IGF2BP1: variants seen among roughly 807,000 people sequenced by gnomAD.
IGF2BP1 encodes insulin like growth factor 2 mRNA binding protein 1, also known as insulin-like growth factor 2 mRNA-binding protein 1.
IGF2BP1 carries 11 observed loss-of-function variants against 74.9 expected under a neutral mutation model. The ratio of observed to expected loss-of-function variants is 0.15; its 90% CI spans 0.09 to 0.24. The LOEUF is 0.24. IGF2BP1 is among the 10% of genes least tolerant of loss of function. The pLI is 1.00. For synonymous variants in IGF2BP1, 287 were observed against 281.8 expected (o/e 1.02, Z -0.18); for missense variants, 440 against 757.4 (o/e 0.58, Z 4.92).
At chr17:49,005,516 C>T (rs570985991) in intron 2 of IGF2BP1, among the ~76,000 whole-genome samples, 3 of 152,196 alleles carry the variant, frequency 2.0e-5, no homozygotes, top group South Asian at 2.1e-4. Flanking sequence ...GGCTGGAAGG[C>T]ATGTAAGGGA....
At chr17:49,014,299 CCT>C (rs2041663798) in intron 2 of IGF2BP1, among the ~76,000 whole-genome samples, 1 of 140,808 alleles carries the variant, frequency 7.1e-6, no homozygotes. Flanking sequence ...TCGCCGTCCC[CCT>C]CTGTCTCCCC....
chr17:49,014,472 C>T (rs1047548241), intron 2 of IGF2BP1, among the ~76,000 whole-genome samples: 9 of 151,628 alleles, frequency 5.9e-5, no homozygotes, highest in Admixed American at 2.0e-4. Flanking sequence ...GCACTCAGTC[C>T]TCCCAGACAG....
At position 48,997,856 on chromosome 17, in the gene IGF2BP1, C is replaced by T; in HGVS notation, c.111C>T (p.Ser37=). Residue 37 remains serine (S), a synonymous_variant, in exon 1 of 15, where the codon TCC becomes TCT. Transcript: ENST00000290341. This position sits in a 1 kb window ranked among gnomAD's most constrained non-coding sequence, Gnocchi z 4.8. ...ISYSGQFLVK[S]GYAFVDCPDE... The stretch of plus-strand genomic sequence containing the variant: ...ACAGCGGCCAGTTCTTGGTCAAATC[C>T]GGCTACGCCTTCGTGGACTGCCCGG... The T allele has an allele frequency of 6.2e-7, 1 of 1,614,214 alleles. No homozygotes were observed. The highest frequency in any genetic ancestry group is 8.5e-7 in the Non-Finnish European group (1 of 1,180,026).
chr17:49,003,960 C>A (rs1271805137), intron 2 of IGF2BP1, among the ~76,000 whole-genome samples: 3 of 151,980 alleles, frequency 2.0e-5, no homozygotes, highest in African/African-American at 4.8e-5. Flanking sequence ...GCCTTCCCTT[C>A]CCCTTTCAAA....
chr17:49,033,108 G>A (rs921474601), intron 5 of IGF2BP1, among the ~76,000 whole-genome samples: 1 of 152,124 alleles, frequency 6.6e-6, no homozygotes, highest in African/African-American at 2.4e-5. Context: ...CACCTCGCCT[G>A]CCCTTTGTTA....
intron 2 of IGF2BP1, among the ~76,000 whole-genome samples, chr17:48,999,978 A>G (rs915285653): frequency 1.4e-5 from 2 of 145,440 alleles, no homozygotes; most frequent in African/African-American, 2.6e-5. Context: ...GTGTGTTCCA[A>G]TACCCTCTAT....
chr17:49,041,589 C>G (rs1056820365), intron 8 of IGF2BP1, 89 bp downstream of exon 8: 3 of 1,519,396 alleles, frequency 2.0e-6, no homozygotes, highest in Non-Finnish European at 2.7e-6. Flanking sequence ...GATATGTGCT[C>G]TTTTAAAATG....
intron 2 of IGF2BP1, among the ~76,000 whole-genome samples, chr17:49,019,712 G>A (rs2041752567): frequency 6.7e-6 from 1 of 149,822 alleles, no homozygotes; most frequent in South Asian, 2.1e-4. Context: ...TTGACAACAG[G>A]AGTGAGCCAT....
rs908394559 is a variant in IGF2BP1 at position 49,051,509 on chromosome 17, T to G, written c.*2065T>G. 1 of 152,216 alleles carries G rather than the reference T, an allele frequency of 6.6e-6. No homozygotes were observed. Among genetic ancestry groups the G allele is most frequent in the Non-Finnish European group, 1.5e-5 (1 of 68,042 alleles). The allele number at this position is 152,216 out of a possible 1,614,324, so 9.4% of individuals were successfully genotyped here. A position where few individuals can be genotyped will look rare whatever the true frequency, so the allele number is the denominator to read the frequency against. ...GCTGGAATATCCTACCTGATAGGAT[T>G]AAAAGGCCTAGTGGAGCTGGGGGCT... is the stretch of plus-strand genomic sequence containing the variant. On this transcript the variant is annotated 3_prime_UTR_variant, in exon 15 of 15. Coordinates refer to ENST00000290341, the MANE Select transcript of IGF2BP1 (RefSeq NM_006546.4).
Position 49,040,108 on chromosome 17 carries a change from T to A in IGF2BP1, c.818+17T>A, listed in dbSNP as rs765314972. 1.2e-6 allele frequency: 2 copies of A among 1,613,570 alleles called. No homozygotes were observed. Among genetic ancestry groups the A allele is most frequent in the Middle Eastern group, 1.7e-4 (1 of 6,056 alleles). On this transcript the variant is annotated intron_variant, in intron 7 of 14. Coordinates refer to ENST00000290341, the MANE Select transcript of IGF2BP1 (RefSeq NM_006546.4). ...CACCAAAACGTAAGTCTCCAGCTTT[T>A]CTTGGATCTTCAGGGTCTGCTAGTC...
At position 48,997,822 on chromosome 17, in the gene IGF2BP1, A is replaced by C; in HGVS notation, c.77A>C (p.Lys26Thr). ...TTGGAGAAAGTGTTTGCGGAGCACA[A>C]GATCTCCTACAGCGGCCAGTTCTTG... ...ADLEKVFAEH[K>T]ISYSGQFLVK... Residue 26 changes from lysine (K) to threonine (T), a missense_variant, in exon 1 of 15, where the codon AAG (lysine) becomes ACG (threonine). Lys to Thr is a moderately conservative substitution (Grantham distance 78, BLOSUM62 -1). This residue lies in a region of IGF2BP1 where 105 missense variants were observed against 199.4 expected (regional missense o/e 0.53). Transcript: ENST00000290341. This position sits in a 1 kb window ranked among gnomAD's most constrained non-coding sequence, Gnocchi z 4.8. 6.2e-7 allele frequency: 1 copy of C among 1,614,118 alleles called. No homozygotes were observed. The highest frequency in any genetic ancestry group is 1.3e-5 in the African/African-American group (1 of 75,044).
At chr17:49,015,279 G>T (rs572158295) in intron 2 of IGF2BP1, among the ~76,000 whole-genome samples, 10 of 152,242 alleles carry the variant, frequency 6.6e-5, no homozygotes, top group Non-Finnish European at 1.2e-4. Context: ...GGCCGTGACC[G>T]TATGGCTTTT....
chr17:49,012,511 CCA>C, intron 2 of IGF2BP1: 1 of 152,126 alleles, frequency 6.6e-6, no homozygotes, highest in African/African-American at 2.4e-5. Context: ...CTAGGAGTCT[CCA>C]TCCTTTGACG....
chr17:49,055,696 C>T lies in IGF2BP1; in HGVS notation c.*6252C>T. ...GGATCTTGATCCTGGTCCCCAAAAC[C>T]AGAGTGAATCAAAAGAGCTTCCTCC... On this transcript the variant is annotated 3_prime_UTR_variant, in exon 15 of 15. Coordinates refer to ENST00000290341, the MANE Select transcript of IGF2BP1 (RefSeq NM_006546.4). 1 of 398,474 alleles carries T rather than the reference C, an allele frequency of 2.5e-6. No individual in the cohort carries two copies. Among genetic ancestry groups the T allele is most frequent in the South Asian group, 1.3e-4 (1 of 7,846 alleles). The allele number at this position is 398,474 out of a possible 1,614,324, so 24.7% of individuals were successfully genotyped here.
intron 2 of IGF2BP1, among the ~76,000 whole-genome samples, chr17:49,020,854 G>T (rs1431778196): frequency 3.3e-5 from 5 of 151,982 alleles, no homozygotes; most frequent in African/African-American, 1.2e-4. Context: ...TGTCATCCTG[G>T]TGTGGTGGCT....
intron 2 of IGF2BP1, among the ~76,000 whole-genome samples, chr17:49,019,984 A>C (rs1489599493): frequency 5.0e-5 from 3 of 60,554 alleles, no homozygotes; most frequent in African/African-American, 2.5e-4. Context: ...ACATACACCC[A>C]CACATATATA....
intron 5 of IGF2BP1, chr17:49,036,548 A>C (rs2041991145): frequency 1.3e-5 from 2 of 152,200 alleles, no homozygotes; most frequent in Non-Finnish European, 2.9e-5. Context: ...GTGCACCAGC[A>C]GCTCATTAGA....
intron 2 of IGF2BP1, 79 bp from the exon 3 acceptor site, chr17:49,025,539 C>A: frequency 8.3e-7 from 1 of 1,211,558 alleles, no homozygotes; most frequent in Non-Finnish European, 1.2e-6. Context: ...GAAACTGGGG[C>A]AAGGATTAGA....
intron 3 of IGF2BP1, 50 bp from the exon 4 acceptor site, chr17:49,026,416 A>AG (rs1259618476): frequency 6.4e-7 from 1 of 1,564,958 alleles, no homozygotes; most frequent in African/African-American, 1.4e-5. Context: ...CTGCTTTGCA[A>AG]GGGTCTTGGG....
Sources: gnomAD v4.1 joint callset for allele counts (sites outside exome capture counted in the v4.1 genomes callset) on GRCh38, gnomAD v4.1.1 for gene constraint, gnomAD v4.1.1 regional missense constraint, Gnocchi (gnomAD v3.1) non-coding constraint, MANE v1.5 for transcripts, NCBI Gene and HGNC (gene_info 2026-07-23, HGNC 2026-07-21) for gene names.